Variants in HEMK2 observed in about 807,000 individuals in gnomAD.
HEMK2 encodes the protein HemK methyltransferase 2, ETF1 glutamine and histone H4 lysine.
At chr21:28,796,577 G>GA in the HEMK2 span, among the ~76,000 whole-genome samples, 1 of 151,226 alleles carries the variant, frequency 6.6e-6, no homozygotes. Context: ...GGATGAGTAA[G>GA]AAAAAAAAAC....
the HEMK2 span, among the ~76,000 whole-genome samples, chr21:28,762,972 GGGAAACAGGAAATTC>G: frequency 1.3e-5 from 2 of 152,108 alleles, no homozygotes; most frequent in Non-Finnish European, 2.9e-5. Context: ...TTCAGCTTAG[GGGAAACAGGAAATTC>G]GGAAACAGGA....
the HEMK2 span, among the ~76,000 whole-genome samples, chr21:28,837,872 C>A: frequency 6.6e-6 from 1 of 152,122 alleles, no homozygotes; most frequent in African/African-American, 2.4e-5. Context: ...CAACTGACAT[C>A]ACTGAAATAT....
the HEMK2 span, among the ~76,000 whole-genome samples, chr21:28,849,307 C>A: frequency 6.6e-6 from 1 of 152,004 alleles, no homozygotes; most frequent in Admixed American, 6.6e-5. Flanking sequence ...CATTATACTA[C>A]AATCAAACTC....
At chr21:28,801,694 AAG>A in the HEMK2 span, among the ~76,000 whole-genome samples, 1 of 152,224 alleles carries the variant, frequency 6.6e-6, no homozygotes, top group African/African-American at 2.4e-5. Context: ...CTTAGAGAAA[AAG>A]AGTATAAGAT....
chr21:28,632,155 T>C, the HEMK2 span, among the ~76,000 whole-genome samples: 1 of 147,560 alleles, frequency 6.8e-6, no homozygotes, highest in African/African-American at 2.5e-5. Flanking sequence ...CTCTGTACAA[T>C]ATATTTCTGA....
the HEMK2 span, chr21:28,671,399 A>C: frequency 6.6e-6 from 1 of 152,228 alleles, no homozygotes; most frequent in African/African-American, 2.4e-5. Context: ...TAACGCTACC[A>C]TGCATCCTCC....
the HEMK2 span, among the ~76,000 whole-genome samples, chr21:28,645,081 GTC>G: frequency 7.9e-5 from 12 of 152,144 alleles, no homozygotes; most frequent in African/African-American, 2.7e-4. Flanking sequence ...TATGAAGTGA[GTC>G]TTTGAGGCCA....
At chr21:28,619,711 T>C in the HEMK2 span, among the ~76,000 whole-genome samples, 1 of 152,238 alleles carries the variant, frequency 6.6e-6, no homozygotes, top group African/African-American at 2.4e-5. Context: ...GAAGAACTAT[T>C]GATTCAGTGC....
At chr21:28,819,403 G>C in the HEMK2 span, among the ~76,000 whole-genome samples, 1 of 151,486 alleles carries the variant, frequency 6.6e-6, no homozygotes, top group South Asian at 2.1e-4. Flanking sequence ...TTTAAGCATA[G>C]GTAAAAGTTA....
At chr21:28,885,180 C>A in the HEMK2 span, 1 of 1,529,464 alleles carries the variant, frequency 6.5e-7, no homozygotes, top group Non-Finnish European at 8.9e-7. Context: ...AGCCGCAACC[C>A]TTTCCCGTCA....
At chr21:28,611,893 C>T in the HEMK2 span, among the ~76,000 whole-genome samples, 7 of 117,222 alleles carry the variant, frequency 6.0e-5, no homozygotes, top group African/African-American at 2.3e-4. Context: ...GTCTGGGAGA[C>T]AGAGAGAGAC....
the HEMK2 span, among the ~76,000 whole-genome samples, chr21:28,787,192 C>T: frequency 6.6e-6 from 1 of 152,208 alleles, no homozygotes; most frequent in East Asian, 1.9e-4. Flanking sequence ...CCTCATCTCT[C>T]ACCTTACACA....
chr21:28,630,701 T>G, the HEMK2 span, among the ~76,000 whole-genome samples: 2 of 145,190 alleles, frequency 1.4e-5, no homozygotes, highest in African/African-American at 2.6e-5. Flanking sequence ...ACACCACATG[T>G]TCTCACTCAT....
chr21:28,678,484 A>G, the HEMK2 span, among the ~76,000 whole-genome samples: 1 of 152,218 alleles, frequency 6.6e-6, no homozygotes, highest in Non-Finnish European at 1.5e-5. Context: ...GATATTACCC[A>G]GGAGAACTTC....
At chr21:28,811,428 GGAGA>G in the HEMK2 span, among the ~76,000 whole-genome samples, 1 of 140,944 alleles carries the variant, frequency 7.1e-6, no homozygotes, top group Non-Finnish European at 1.5e-5. Context: ...AAGGAAGGAG[GGAGA>G]GAGGGACGGA....
At chr21:28,827,994 T>C in the HEMK2 span, among the ~76,000 whole-genome samples, 3 of 152,222 alleles carry the variant, frequency 2.0e-5, no homozygotes, top group Non-Finnish European at 4.4e-5. Context: ...TATATTCTTA[T>C]ATATGTATAT....
the HEMK2 span, among the ~76,000 whole-genome samples, chr21:28,651,275 GATAAAGA>G: frequency 6.6e-6 from 1 of 152,130 alleles, no homozygotes; most frequent in Non-Finnish European, 1.5e-5. Context: ...GCAAATTATG[GATAAAGA>G]ATGTAGCAAT....
At chr21:28,867,310 A>C in the HEMK2 span, among the ~76,000 whole-genome samples, 2 of 152,240 alleles carry the variant, frequency 1.3e-5, no homozygotes, top group Non-Finnish European at 2.9e-5. Context: ...ATAACTCTTC[A>C]ACATGGAGAA....
chr21:28,602,834 C>A, the HEMK2 span, among the ~76,000 whole-genome samples: 1 of 152,232 alleles, frequency 6.6e-6, no homozygotes, highest in Non-Finnish European at 1.5e-5. Context: ...AGGGAATGAA[C>A]TTCATGCAGT....
Sources: gnomAD v4.1 joint callset for allele counts (sites outside exome capture counted in the v4.1 genomes callset) on GRCh38, gnomAD v4.1.1 for gene constraint, MANE v1.5 for transcripts, NCBI Gene and HGNC (gene_info 2026-07-23, HGNC 2026-07-21) for gene names.